CCL22: variants seen among roughly 807,000 people sequenced by gnomAD.
CCL22 encodes C-C motif chemokine ligand 22, also known as C-C motif chemokine 22.
CCL22 carries 7 observed loss-of-function variants against 7.6 expected under a neutral mutation model. The ratio of observed to expected loss-of-function variants is 0.92; its 90% CI spans 0.52 to 1.72. The LOEUF (loss-of-function observed/expected upper bound fraction) is 1.72, where lower values mean the gene tolerates loss of function less well. CCL22 is among the 40% of genes most tolerant of loss of function. CCL22 has a pLI of 0.00. For missense variants in CCL22, 115 were observed against 124.7 expected (o/e 0.92, Z 0.37); for synonymous variants, 55 against 47.2 (o/e 1.17, Z -0.68).
chr16:57,360,521 T>C lies in CCL22; in HGVS notation c.158T>C (p.Phe53Ser). The change falls in exon 2 of 3, where the codon TTC becomes TCC. Residue 53 changes from phenylalanine to serine, a missense_variant. Phe to Ser is a radical substitution (Grantham distance 155). Transcript: ENST00000219235. ...CTGCCCCTGCGCGTGGTGAAACACT[T>C]CTACTGGACCTCAGACTCCTGCCCG... Reference protein sequence around the residue: ...YRLPLRVVKHFYWTSDSCPRP... With the variant: ...YRLPLRVVKHSYWTSDSCPRP... 6.2e-7 allele frequency: 1 copy of C among 1,614,210 alleles called. No individual in the cohort carries two copies.
chr16:57,357,975 G>T (rs1380549762), upstream of CCL22, among the ~76,000 whole-genome samples: 1 of 152,230 alleles, frequency 6.6e-6, no homozygotes, highest in Non-Finnish European at 1.5e-5. Flanking sequence ...AGGAGAGAGA[G>T]TGTGTAGCTC....
chr16:57,362,185 G>A (rs1054023848), intron 2 of CCL22, among the ~76,000 whole-genome samples: 1 of 152,166 alleles, frequency 6.6e-6, no homozygotes, highest in African/African-American at 2.4e-5. Context: ...AGAGCTCAAT[G>A]TCTGGCACAT....
At chr16:57,360,724 G>A (rs1019942845) in intron 2 of CCL22, among the ~76,000 whole-genome samples, 164 bp downstream of exon 2, 4 of 152,220 alleles carry the variant, frequency 2.6e-5, no homozygotes, top group Non-Finnish European at 4.4e-5. Context: ...CTCAGTTCAG[G>A]CTTGGGTGGA....
At chr16:57,362,968 G>A (rs957227703) in intron 2 of CCL22, among the ~76,000 whole-genome samples, 7 of 152,000 alleles carry the variant, frequency 4.6e-5, no homozygotes, top group African/African-American at 1.5e-4. Context: ...AGAGCTGAGG[G>A]TCCTGGAAGT....
At chr16:57,358,559 C>T (rs1251999595), upstream of CCL22, among the ~76,000 whole-genome samples, 4 of 152,166 alleles carry the variant, frequency 2.6e-5, no homozygotes, top group African/African-American at 9.6e-5. Flanking sequence ...GGGGATTTTA[C>T]AAGTCTGTCT....
In CCL22 at chr16:57,360,545, C is replaced by T. The variant is rs147844594; in HGVS notation, c.182C>T (p.Pro61Leu). The T allele has an allele frequency of 1.6e-3, 2,594 of 1,614,090 alleles. 9 individuals carry two copies. The highest frequency in any genetic ancestry group is 1.7e-3 in the Non-Finnish European group (2,058 of 1,179,982). ...KHFYWTSDSC[P>L]RPGVVLLTFR... The stretch of plus-strand genomic sequence containing the variant: ...TTCTACTGGACCTCAGACTCCTGCC[C>T]GAGGCCTGGCGTGGTGTGAGTAGGG... Residue 61 changes from proline (P) to leucine (L), a missense_variant, in exon 2 of 3, where the codon CCG becomes CTG. Coordinates refer to ENST00000219235, the MANE Select transcript of CCL22 (RefSeq NM_002990.5).
rs1902073884 is a variant in CCL22 at position 57,363,644 on chromosome 16, A to ACCT, written c.*59_*61dup. 9.4e-6 allele frequency: 10 copies of ACCT among 1,068,866 alleles called. No homozygotes were observed. Among genetic ancestry groups the ACCT allele is most frequent in the Non-Finnish European group, 1.4e-5 (10 of 692,344 alleles). The allele number at this position is 1,068,866 out of a possible 1,614,324, so 66.2% of individuals were successfully genotyped here. ...TCCTCCAGGAAGGCTCAGGAGCCCT[A>ACCT]CCTCCCTGCCATTATAGCTGCTCCC... is the stretch of plus-strand genomic sequence containing the variant. On this transcript the variant is annotated 3_prime_UTR_variant, in exon 3 of 3. Transcript: ENST00000219235.
intron 1 of CCL22, among the ~76,000 whole-genome samples, chr16:57,359,747 C>T (rs1358828974): frequency 2.0e-5 from 3 of 152,158 alleles, no homozygotes; most frequent in Non-Finnish European, 4.4e-5. Flanking sequence ...ATTCTCCTGC[C>T]TCAGCCTCCT....
intron 1 of CCL22, among the ~76,000 whole-genome samples, chr16:57,359,472 C>A (rs1479706140): frequency 9.6e-5 from 14 of 145,574 alleles, no homozygotes; most frequent in Non-Finnish European, 1.7e-4. Context: ...TGCACCACCA[C>A]ACCTGGCTAA....
chr16:57,362,586 C>T (rs539109832), intron 2 of CCL22, among the ~76,000 whole-genome samples: 6 of 151,926 alleles, frequency 3.9e-5, no homozygotes, highest in African/African-American at 7.2e-5. Flanking sequence ...TCTGGCTTGG[C>T]GCAGTGGCTC....
chr16:57,358,517 C>T (rs1902012818), upstream of CCL22, among the ~76,000 whole-genome samples: 1 of 152,220 alleles, frequency 6.6e-6, no homozygotes, highest in South Asian at 2.1e-4. Flanking sequence ...CCACACAGTG[C>T]AGAGACCCTG....
At chr16:57,361,244 G>A (rs1175310246) in intron 2 of CCL22, among the ~76,000 whole-genome samples, 1 of 125,190 alleles carries the variant, frequency 8.0e-6, no homozygotes, top group Non-Finnish European at 1.7e-5. Context: ...GGGCAACAGA[G>A]GGAGACTCTG....
chr16:57,362,587 G>T (rs1005605882), intron 2 of CCL22, among the ~76,000 whole-genome samples: 1 of 152,110 alleles, frequency 6.6e-6, no homozygotes, highest in African/African-American at 2.4e-5. Flanking sequence ...CTGGCTTGGC[G>T]CAGTGGCTCA....
In CCL22 at chr16:57,363,499, T is replaced by G; in HGVS notation, c.198-5T>G. 1 of 1,605,598 alleles carries G rather than the reference T, an allele frequency of 6.2e-7. No homozygotes were observed. Among genetic ancestry groups the G allele is most frequent in the Non-Finnish European group, 8.5e-7 (1 of 1,172,524 alleles). ...TGCATTGTCTCTGGGGTCTCCTTCT[T>G]CCAGGTTGCTAACCTTCAGGGATAA... On this transcript the variant is annotated splice_region_variant and splice_polypyrimidine_tract_variant and intron_variant, in intron 2 of 2. Coordinates refer to ENST00000219235, the MANE Select transcript of CCL22 (RefSeq NM_002990.5).
At chr16:57,363,263 G>A (rs1433559814) in intron 2 of CCL22, among the ~76,000 whole-genome samples, 6 of 152,126 alleles carry the variant, frequency 3.9e-5, no homozygotes, top group Non-Finnish European at 7.4e-5. Flanking sequence ...CCAAAGTGCT[G>A]GGATTACAGG....
At chr16:57,363,443 G>A (rs2146499259) in intron 2 of CCL22, 61 bp from the exon 3 acceptor site, 3 of 1,088,616 alleles carry the variant, frequency 2.8e-6, no homozygotes, top group Admixed American at 1.8e-5. Flanking sequence ...GCTCCCGAGG[G>A]TGTGGCATCC....
At chr16:57,362,140 C>T (rs949883802) in intron 2 of CCL22, among the ~76,000 whole-genome samples, 3 of 152,184 alleles carry the variant, frequency 2.0e-5, no homozygotes, top group Admixed American at 2.0e-4. Context: ...GCCTCTTGAG[C>T]ATTACAGGGC....
intron 1 of CCL22, among the ~76,000 whole-genome samples, chr16:57,359,123 G>A (rs149390882): frequency 4.6e-5 from 7 of 152,162 alleles, no homozygotes; most frequent in South Asian, 2.1e-4. Flanking sequence ...GGGGGTTGTG[G>A]TGGGCATAGC....
intron 2 of CCL22, among the ~76,000 whole-genome samples, chr16:57,362,613 C>T (rs774054973): frequency 1.3e-5 from 2 of 151,902 alleles, no homozygotes; most frequent in East Asian, 3.9e-4. Flanking sequence ...ATAATCCTAG[C>T]CTTTGGGAGG....
Sources: gnomAD v4.1 joint callset for allele counts (sites outside exome capture counted in the v4.1 genomes callset) on GRCh38, gnomAD v4.1.1 for gene constraint, MANE v1.5 for transcripts, NCBI Gene and HGNC (gene_info 2026-07-23, HGNC 2026-07-21) for gene names.